Variants in ADAMTS17 observed in about 807,000 individuals in gnomAD.
ADAMTS17 encodes ADAM metallopeptidase with thrombospondin type 1 motif 17.
A neutral mutation model predicts 141.5 loss-of-function variants in ADAMTS17; 113 were observed. The observed-to-expected ratio is 0.80, with a 90% CI of 0.69 to 0.93. The LOEUF is 0.93. Ranked by LOEUF, ADAMTS17 falls within the 40% of genes least tolerant of loss-of-function variation. The pLI, the probability that ADAMTS17 is intolerant of heterozygous loss-of-function variation, is 0.00. For missense variants in ADAMTS17, 1,659 were observed against 1,517.9 expected (o/e 1.09, Z -1.54); for synonymous variants, 768 against 630.6 (o/e 1.22, Z -3.27).
intron 18 of ADAMTS17, among the ~76,000 whole-genome samples, chr15:100,008,518 G>C (rs2061086078): frequency 6.6e-6 from 1 of 152,216 alleles, no homozygotes; most frequent in African/African-American, 2.4e-5. Flanking sequence ...CAGGGCCCGG[G>C]GGCCCAGGAG....
chr15:100,266,391 C>T (rs1216837358), intron 4 of ADAMTS17, among the ~76,000 whole-genome samples: 8 of 152,236 alleles, frequency 5.3e-5, no homozygotes, highest in Non-Finnish European at 1.0e-4. Flanking sequence ...TCGCCCTCTA[C>T]ATGTACCTGC....
chr15:100,202,056 G>A (rs1388409706), intron 7 of ADAMTS17, among the ~76,000 whole-genome samples: 1 of 152,186 alleles, frequency 6.6e-6, no homozygotes, highest in African/African-American at 2.4e-5. Context: ...GCCTGGTGAG[G>A]GGGAAGGGAG....
chr15:100,338,290 C>T (rs1023748840), intron 2 of ADAMTS17, among the ~76,000 whole-genome samples: 16 of 152,268 alleles, frequency 1.1e-4, no homozygotes, highest in African/African-American at 3.9e-4. Context: ...TCTAATAATT[C>T]GTCTCCTTTA....
At chr15:100,310,392 A>G (rs2045365353) in intron 3 of ADAMTS17, among the ~76,000 whole-genome samples, 1 of 152,218 alleles carries the variant, frequency 6.6e-6, no homozygotes, top group Non-Finnish European at 1.5e-5. Flanking sequence ...AGTGTGTTGT[A>G]TTTCTTTAAA....
chr15:100,119,157 G>A (rs1016350615), intron 12 of ADAMTS17, among the ~76,000 whole-genome samples: 1 of 151,426 alleles, frequency 6.6e-6, no homozygotes, highest in Non-Finnish European at 1.5e-5. Context: ...CCCTCACAGT[G>A]CTCAGGAGAA....
intron 13 of ADAMTS17, among the ~76,000 whole-genome samples, chr15:100,114,292 G>T (rs1404566548): frequency 3.3e-5 from 5 of 151,988 alleles, no homozygotes; most frequent in Admixed American, 2.6e-4. Context: ...CAGTCATAAT[G>T]GGCTTCAGAA....
chr15:100,156,059 GA>G (rs1376308131), intron 8 of ADAMTS17, among the ~76,000 whole-genome samples: 2 of 152,128 alleles, frequency 1.3e-5, no homozygotes, highest in Non-Finnish European at 2.9e-5. Flanking sequence ...AATCTCAGTG[GA>G]ACAACGACAA....
intron 8 of ADAMTS17, among the ~76,000 whole-genome samples, chr15:100,174,578 T>A (rs762686586): frequency 6.3e-4 from 96 of 152,350 alleles, no homozygotes; most frequent in Non-Finnish European, 1.2e-3. Flanking sequence ...AAAGCAATAC[T>A]TTTTTACCTT....
At chr15:100,066,530 T>G (rs1243290981) in intron 15 of ADAMTS17, among the ~76,000 whole-genome samples, 1 of 152,200 alleles carries the variant, frequency 6.6e-6, no homozygotes, top group Non-Finnish European at 1.5e-5. Context: ...GGTCCTTTAG[T>G]GTAGGTCTCT....
chr15:99,985,460 A>G (rs1323574042), intron 20 of ADAMTS17, among the ~76,000 whole-genome samples: 1 of 147,002 alleles, frequency 6.8e-6, no homozygotes, highest in Non-Finnish European at 1.5e-5. Context: ...AACATGCAGG[A>G]TCTCCTAGAG....
At chr15:100,063,423 A>G (rs892204910) in intron 15 of ADAMTS17, among the ~76,000 whole-genome samples, 18 of 152,062 alleles carry the variant, frequency 1.2e-4, no homozygotes, top group Non-Finnish European at 2.1e-4. Context: ...TCACTCTTCT[A>G]TGATCCTCCT....
At chr15:100,301,360 T>C (rs2045028345) in intron 3 of ADAMTS17, among the ~76,000 whole-genome samples, 1 of 151,818 alleles carries the variant, frequency 6.6e-6, no homozygotes, top group Non-Finnish European at 1.5e-5. Flanking sequence ...ACGGAGTCTC[T>C]GTTGCCCAGG....
At chr15:100,279,828 T>C (rs1217227164) in intron 4 of ADAMTS17, among the ~76,000 whole-genome samples, 2 of 152,212 alleles carry the variant, frequency 1.3e-5, no homozygotes, top group East Asian at 1.9e-4. Flanking sequence ...AGCTGAGTTG[T>C]AGCTGTTTCT....
chr15:100,070,385 A>G (rs2033879532), intron 15 of ADAMTS17, among the ~76,000 whole-genome samples: 1 of 150,286 alleles, frequency 6.7e-6, no homozygotes, highest in South Asian at 2.1e-4. Flanking sequence ...CTCTGCACCA[A>G]GTGGACCTAA....
chr15:100,279,746 G>C (rs2044221535), intron 4 of ADAMTS17, among the ~76,000 whole-genome samples: 1 of 152,126 alleles, frequency 6.6e-6, no homozygotes, highest in Non-Finnish European at 1.5e-5. Flanking sequence ...AGTTCCCCTT[G>C]ACCCAGATTC....
rs74500154 is a variant in ADAMTS17 at position 100,231,507 on chromosome 15, T to C, written c.1075+22629A>G. The stretch of plus-strand genomic sequence containing the variant: ...GGACCATGAATGAGGAAGAAAAGAA[T>C]CCTGGCCAGTTACTGATGGTGATCT... On this transcript the variant is annotated intron_variant, in intron 7 of 21. Transcript: ENST00000268070. Among the ~76,000 whole-genome samples the C allele has an allele frequency of 8.6e-3, 1,302 of 152,262 alleles. 7 individuals are homozygous for C. The highest frequency in any genetic ancestry group is 0.013 in the Non-Finnish European group (909 of 68,014).
chr15:100,302,643 A>T (rs1719609003), intron 3 of ADAMTS17, among the ~76,000 whole-genome samples: 1 of 152,222 alleles, frequency 6.6e-6, no homozygotes, highest in African/African-American at 2.4e-5. Flanking sequence ...CTGATGGCTG[A>T]TGATGCTGAG....
chr15:99,983,277 G>A (rs28393909), intron 20 of ADAMTS17, among the ~76,000 whole-genome samples: 2,001 of 152,268 alleles, frequency 0.013, 51 homozygotes, highest in African/African-American at 0.045. Context: ...TCAGAACACA[G>A]TAGGTGCTCA....
chr15:99,975,521 G>C (rs772829367), intron 21 of ADAMTS17, among the ~76,000 whole-genome samples: 21 of 152,042 alleles, frequency 1.4e-4, no homozygotes, highest in African/African-American at 5.1e-4. Flanking sequence ...AGATCTTTAA[G>C]TGCTCTTCTT....
Sources: allele counts gnomAD v4.1 joint callset (sites outside exome capture counted in the v4.1 genomes callset), GRCh38; gene constraint gnomAD v4.1.1; transcripts MANE v1.5; gene names NCBI Gene and HGNC (gene_info 2026-07-23, HGNC 2026-07-21).